MRPS28: variants seen among roughly 807,000 people sequenced by gnomAD.
The protein encoded by MRPS28 is mitochondrial ribosomal protein S28.
A neutral mutation model predicts 10.8 loss-of-function variants in MRPS28; 7 were observed. That is an observed-to-expected ratio of 0.65 (90% confidence interval 0.37 to 1.22). The LOEUF is 1.22. Ranked by LOEUF, MRPS28 falls within the 50% of genes most tolerant of loss-of-function variation. The pLI, the probability that MRPS28 is intolerant of heterozygous loss-of-function variation, is 0.02. For missense variants in MRPS28, 265 were observed against 232.9 expected (o/e 1.14, Z -0.90); for synonymous variants, 121 against 93.3 (o/e 1.30, Z -1.71).
intron 2 of MRPS28, among the ~76,000 whole-genome samples, chr8:79,951,283 T>C (rs1313753848): frequency 1.3e-5 from 2 of 152,102 alleles, no homozygotes; most frequent in Non-Finnish European, 1.5e-5. Flanking sequence ...AGCCACCAGG[T>C]TAGGGGATGG....
chr8:80,011,258 G>A (rs1193155250), intron 1 of MRPS28, among the ~76,000 whole-genome samples: 1 of 151,468 alleles, frequency 6.6e-6, no homozygotes, highest in Non-Finnish European at 1.5e-5. Flanking sequence ...CTCAAGAGAA[G>A]AGCAAACAGT....
At chr8:80,014,354 T>C (rs2130208212) in intron 1 of MRPS28, among the ~76,000 whole-genome samples, 1 of 152,150 alleles carries the variant, frequency 6.6e-6, no homozygotes, top group Non-Finnish European at 1.5e-5. Flanking sequence ...AGAGCCAAGT[T>C]TGGGATGGTT....
At chr8:79,951,211 T>G (rs1318585290) in intron 2 of MRPS28, among the ~76,000 whole-genome samples, 2 of 152,200 alleles carry the variant, frequency 1.3e-5, no homozygotes, top group African/African-American at 4.8e-5. Flanking sequence ...CAATGGCGCA[T>G]GCACCCAGGG....
intron 1 of MRPS28, among the ~76,000 whole-genome samples, chr8:80,004,112 C>T (rs1808752210): frequency 1.3e-5 from 2 of 152,164 alleles, no homozygotes; most frequent in Admixed American, 1.3e-4. Context: ...CGTAAATGTC[C>T]CTGTCTGACA....
At chr8:79,980,355 G>A (rs1807922483) in intron 2 of MRPS28, among the ~76,000 whole-genome samples, 1 of 152,152 alleles carries the variant, frequency 6.6e-6, no homozygotes, top group African/African-American at 2.4e-5. Context: ...TTAGAAAAGT[G>A]ACTGAGTACA....
intron 2 of MRPS28, chr8:79,956,649 T>A (rs897115982): frequency 6.6e-6 from 1 of 152,106 alleles, no homozygotes; most frequent in Non-Finnish European, 1.5e-5. Flanking sequence ...CACCCTCAAG[T>A]AGACCCCAGT....
intron 2 of MRPS28, among the ~76,000 whole-genome samples, chr8:79,965,306 C>T (rs1213242005): frequency 6.6e-6 from 1 of 152,008 alleles, no homozygotes; most frequent in Non-Finnish European, 1.5e-5. Context: ...AATAAGCAAA[C>T]CCAGGCAATT....
chr8:80,018,528 T>G (rs1476256652), intron 1 of MRPS28, among the ~76,000 whole-genome samples: 4 of 152,198 alleles, frequency 2.6e-5, no homozygotes, highest in Non-Finnish European at 5.9e-5. Context: ...CATCATATAC[T>G]GTTAGCGGGA....
chr8:79,959,787 A>C (rs1292427624), intron 2 of MRPS28, among the ~76,000 whole-genome samples: 3 of 152,130 alleles, frequency 2.0e-5, no homozygotes, highest in Non-Finnish European at 4.4e-5. Flanking sequence ...AGAGCTGTAT[A>C]CTTCATAAAA....
At chr8:79,952,137 T>A (rs1268202939) in intron 2 of MRPS28, among the ~76,000 whole-genome samples, 1 of 152,228 alleles carries the variant, frequency 6.6e-6, no homozygotes, top group Non-Finnish European at 1.5e-5. Context: ...TCCAAGTAGA[T>A]TTCATGTTTT....
intron 2 of MRPS28, among the ~76,000 whole-genome samples, chr8:79,950,040 C>T (rs964809766): frequency 2.0e-5 from 3 of 152,004 alleles, no homozygotes; most frequent in Non-Finnish European, 4.4e-5. Context: ...AAGAAAAACA[C>T]ATGAAAATAT....
chr8:79,923,197 A>C (rs1023886875), intron 2 of MRPS28, among the ~76,000 whole-genome samples: 4 of 152,184 alleles, frequency 2.6e-5, no homozygotes, highest in African/African-American at 9.6e-5. Flanking sequence ...AAAACTAGAG[A>C]TATCCTCCAT....
intron 1 of MRPS28, among the ~76,000 whole-genome samples, chr8:80,021,515 G>A (rs1204837977): frequency 6.6e-6 from 1 of 152,220 alleles, no homozygotes; most frequent in Admixed American, 6.5e-5. Context: ...GATGCTGACA[G>A]ATGCATAGAC....
intron 2 of MRPS28, among the ~76,000 whole-genome samples, chr8:79,994,426 C>T (rs73257814): frequency 6.6e-6 from 1 of 152,116 alleles, no homozygotes; most frequent in African/African-American, 2.4e-5. Context: ...ACACACTCCC[C>T]TTCTCTACCT....
At chr8:80,018,064 C>T (rs1224551171) in intron 1 of MRPS28, among the ~76,000 whole-genome samples, 4 of 151,918 alleles carry the variant, frequency 2.6e-5, no homozygotes, top group South Asian at 2.1e-4. Flanking sequence ...CCGAGGCGGG[C>T]GGATCACAAG....
At chr8:79,927,306 C>T (rs1320535811) in intron 2 of MRPS28, among the ~76,000 whole-genome samples, 1 of 152,214 alleles carries the variant, frequency 6.6e-6, no homozygotes, top group Non-Finnish European at 1.5e-5. Context: ...GAACATAACA[C>T]TTGCTCCATA....
chr8:79,919,872 T>C (rs1012252676), intron 2 of MRPS28, among the ~76,000 whole-genome samples: 1 of 152,122 alleles, frequency 6.6e-6, no homozygotes, highest in South Asian at 2.1e-4. Flanking sequence ...TATGTATACA[T>C]GTGCCATGTT....
intron 2 of MRPS28, among the ~76,000 whole-genome samples, chr8:79,919,683 C>G (rs181752129): frequency 6.6e-6 from 1 of 152,166 alleles, no homozygotes; most frequent in Non-Finnish European, 1.5e-5. Context: ...CCACAGTAAA[C>G]GGAAATTCAA....
intron 1 of MRPS28, among the ~76,000 whole-genome samples, chr8:80,012,105 TG>T: frequency 8.3e-6 from 1 of 120,668 alleles, no homozygotes. Flanking sequence ...TAAAATCAAG[TG>T]GAAGTAGAAC....
Sources: gnomAD v4.1 joint callset for allele counts (sites outside exome capture counted in the v4.1 genomes callset) on GRCh38, gnomAD v4.1.1 for gene constraint, MANE v1.5 for transcripts, NCBI Gene and HGNC (gene_info 2026-07-23, HGNC 2026-07-21) for gene names.